CNBD1: variants seen among roughly 807,000 people sequenced by gnomAD.
CNBD1 encodes the protein cyclic nucleotide-binding domain-containing protein 1.
CNBD1 carries 71 observed loss-of-function variants against 54.4 expected under a neutral mutation model. The ratio of observed to expected loss-of-function variants is 1.30; its 90% CI spans 1.08 to 1.59. The LOEUF is 1.59. CNBD1 is among the 40% of genes most tolerant of loss of function. The pLI is 0.00. For missense variants in CNBD1, 659 were observed against 518.0 expected (o/e 1.27, Z -2.64); for synonymous variants, 182 against 170.7 (o/e 1.07, Z -0.51).
At chr8:87,150,332 T>C (rs1047727645) in intron 4 of CNBD1, among the ~76,000 whole-genome samples, 2 of 152,206 alleles carry the variant, frequency 1.3e-5, no homozygotes, top group African/African-American at 4.8e-5. Context: ...TGAAGGTCTA[T>C]ATGGCTTTTC....
At chr8:87,003,623 AT>A (rs1427480086) in intron 4 of CNBD1, among the ~76,000 whole-genome samples, 2 of 152,054 alleles carry the variant, frequency 1.3e-5, no homozygotes, top group Admixed American at 1.3e-4. Flanking sequence ...ATTTTATTTT[AT>A]TTTTTTTAAA....
At chr8:87,138,910 G>T (rs1812315137) in intron 4 of CNBD1, among the ~76,000 whole-genome samples, 1 of 152,152 alleles carries the variant, frequency 6.6e-6, no homozygotes, top group African/African-American at 2.4e-5. Flanking sequence ...AATTAACTAT[G>T]ATATATTTTA....
chr8:87,188,814 A>G (rs1322369203), intron 4 of CNBD1, among the ~76,000 whole-genome samples: 1 of 129,960 alleles, frequency 7.7e-6, no homozygotes, highest in Non-Finnish European at 1.6e-5. Flanking sequence ...ACAGACAGTA[A>G]AGCGTCTTTT....
At chr8:87,005,070 G>C (rs11783245) in intron 4 of CNBD1, among the ~76,000 whole-genome samples, 1 of 149,548 alleles carries the variant, frequency 6.7e-6, no homozygotes, top group South Asian at 2.1e-4. Context: ...TTTTTTAATC[G>C]TTAAGTCTTA....
intron 4 of CNBD1, among the ~76,000 whole-genome samples, chr8:86,958,379 A>G (rs61816604): frequency 6.6e-6 from 1 of 152,190 alleles, no homozygotes; most frequent in Non-Finnish European, 1.5e-5. Flanking sequence ...ATTCCTGGAT[A>G]TCCACATTAA....
At chr8:86,937,049 T>C (rs1809562259) in intron 3 of CNBD1, among the ~76,000 whole-genome samples, 1 of 152,186 alleles carries the variant, frequency 6.6e-6, no homozygotes, top group African/African-American at 2.4e-5. Flanking sequence ...AAGATATACC[T>C]GAGACTGAGT....
At chr8:87,367,890 G>T (rs917474490) in intron 10 of CNBD1, among the ~76,000 whole-genome samples, 4 of 152,066 alleles carry the variant, frequency 2.6e-5, no homozygotes, top group Admixed American at 2.0e-4. Context: ...AGAATATGTT[G>T]GCCGGGAGTG....
At chr8:87,024,272 A>G (rs1809574260) in intron 4 of CNBD1, among the ~76,000 whole-genome samples, 1 of 150,318 alleles carries the variant, frequency 6.7e-6, no homozygotes, top group South Asian at 2.1e-4. Context: ...AAAGCTATCC[A>G]GGAATCATTA....
chr8:87,343,428 G>A (rs1302225617), intron 8 of CNBD1, among the ~76,000 whole-genome samples: 1 of 152,148 alleles, frequency 6.6e-6, no homozygotes, highest in African/African-American at 2.4e-5. Flanking sequence ...ATTAATTTTG[G>A]GAACTAATAA....
At chr8:87,238,250 G>A (rs947050452) in intron 6 of CNBD1, among the ~76,000 whole-genome samples, 2 of 152,006 alleles carry the variant, frequency 1.3e-5, no homozygotes, top group Non-Finnish European at 2.9e-5. Flanking sequence ...AAGTTTCAGA[G>A]GCTTCCACTT....
chr8:87,104,089 T>C (rs1460845883), intron 4 of CNBD1, among the ~76,000 whole-genome samples: 1 of 152,010 alleles, frequency 6.6e-6, no homozygotes, highest in African/African-American at 2.4e-5. Flanking sequence ...TGTAACCAAA[T>C]GAAAAAGACA....
intron 4 of CNBD1, among the ~76,000 whole-genome samples, chr8:87,016,306 A>T (rs1193792554): frequency 6.6e-6 from 1 of 151,976 alleles, no homozygotes; most frequent in African/African-American, 2.4e-5. Flanking sequence ...AGTTAAAATA[A>T]TAAAAGCATA....
At chr8:86,919,188 G>A (rs942500530) in intron 3 of CNBD1, among the ~76,000 whole-genome samples, 1 of 151,984 alleles carries the variant, frequency 6.6e-6, no homozygotes, top group African/African-American at 2.4e-5. Context: ...AATACACATA[G>A]GATTCATTCA....
intron 4 of CNBD1, among the ~76,000 whole-genome samples, chr8:86,996,849 C>G (rs948257127): frequency 2.0e-5 from 3 of 152,150 alleles, no homozygotes; most frequent in African/African-American, 7.2e-5. Flanking sequence ...GCTGGGAAGT[C>G]CAAGACTAAA....
intron 4 of CNBD1, among the ~76,000 whole-genome samples, chr8:87,071,536 T>C (rs1183926512): frequency 6.6e-6 from 1 of 152,156 alleles, no homozygotes; most frequent in Non-Finnish European, 1.5e-5. Context: ...GCAAAATGCA[T>C]ATTATTCATT....
intron 4 of CNBD1, among the ~76,000 whole-genome samples, chr8:87,000,645 G>T (rs1160528534): frequency 1.3e-5 from 2 of 152,114 alleles, no homozygotes; most frequent in Non-Finnish European, 1.5e-5. Flanking sequence ...TAGATATTAT[G>T]CCTGGGAATA....
chr8:86,926,125 TG>T (rs1809356750), intron 3 of CNBD1, among the ~76,000 whole-genome samples: 4 of 152,242 alleles, frequency 2.6e-5, no homozygotes, highest in Admixed American at 2.6e-4. Flanking sequence ...GAGCGCTGAT[TG>T]GTGCATTTTA....
chr8:87,422,643 A>T (rs202206262), intron 2 of CNBD1, among the ~76,000 whole-genome samples: 13 of 152,210 alleles, frequency 8.5e-5, no homozygotes, highest in South Asian at 2.1e-4. Flanking sequence ...AGCTCTGTTT[A>T]GGTACCAGTA....
chr8:86,872,242 G>A (rs1018174376), intron 1 of CNBD1, among the ~76,000 whole-genome samples: 26 of 152,068 alleles, frequency 1.7e-4, no homozygotes, highest in Non-Finnish European at 2.8e-4. Context: ...TCCTGTGTTT[G>A]GGGTTCCCTT....
Sources: allele counts gnomAD v4.1 joint callset (sites outside exome capture counted in the v4.1 genomes callset), GRCh38; gene constraint gnomAD v4.1.1; transcripts MANE v1.5; gene names NCBI Gene and HGNC (gene_info 2026-07-23, HGNC 2026-07-21).